The following BMPR2 variants were observed in gnomAD, a reference collection of about 807,000 sequenced individuals.
BMPR2 encodes bone morphogenetic protein receptor type-2.
In BMPR2, 29 loss-of-function variants were observed where a neutral mutation model predicts 100.8. The observed-to-expected ratio is 0.29, with a 90% CI of 0.21 to 0.39. The LOEUF is 0.39. Ranked by LOEUF, BMPR2 falls within the 10% of genes least tolerant of loss-of-function variation. The pLI, the probability that BMPR2 is intolerant of heterozygous loss-of-function variation, is 1.00. For synonymous variants in BMPR2, 382 were observed against 442.3 expected (o/e 0.86, Z 1.71); for missense variants, 1,011 against 1,274.5 (o/e 0.79, Z 3.15).
At chr2:202,422,422 T>G (rs1691284085) in intron 1 of BMPR2, among the ~76,000 whole-genome samples, 1 of 151,974 alleles carries the variant, frequency 6.6e-6, no homozygotes, top group Non-Finnish European at 1.5e-5. Flanking sequence ...TTCTCCTGCC[T>G]CAGCCTCCCG....
At chr2:202,559,303 CAA>C (rs373462571) in intron 12 of BMPR2, among the ~76,000 whole-genome samples, 11 of 139,766 alleles carry the variant, frequency 7.9e-5, no homozygotes, top group East Asian at 2.0e-4. Context: ...CTCCATCCCC[CAA>C]AAAAAAAAAA....
chr2:202,385,995 C>A (rs1399779064), intron 1 of BMPR2, among the ~76,000 whole-genome samples: 1 of 151,770 alleles, frequency 6.6e-6, no homozygotes, highest in Non-Finnish European at 1.5e-5. Flanking sequence ...TTTTTTTCAT[C>A]CTTCAAGTAC....
At chr2:202,552,565 G>A (rs1015274246) in intron 10 of BMPR2, 151 bp from the exon 11 acceptor site, 24 of 754,790 alleles carry the variant, frequency 3.2e-5, no homozygotes, top group African/African-American at 1.1e-4. Context: ...AGCATGTTCC[G>A]TAATCCTTGA....
At chr2:202,528,914 TTTG>T (rs529253260) in intron 7 of BMPR2, among the ~76,000 whole-genome samples, 391 of 152,358 alleles carry the variant, frequency 2.6e-3, no homozygotes, top group Non-Finnish European at 4.4e-3. Context: ...CAGATATAAC[TTTG>T]TTATTTGGAG....
chr2:202,434,908 A>AAAAAAAAAT (rs1559037398), intron 1 of BMPR2, among the ~76,000 whole-genome samples: 2 of 38,424 alleles, frequency 5.2e-5, no homozygotes, highest in African/African-American at 1.1e-4. Context: ...AAAAAAAAAA[A>AAAAAAAAAT]ATATATATAT....
intron 3 of BMPR2, among the ~76,000 whole-genome samples, chr2:202,500,151 T>C (rs1321661223): frequency 2.0e-5 from 3 of 152,156 alleles, no homozygotes; most frequent in Non-Finnish European, 4.4e-5. Flanking sequence ...CGGGTATGTT[T>C]AACTATTGAG....
rs1254220092 is a variant in BMPR2 at position 202,542,390 on chromosome 2, C to T, written c.1356C>T (p.Leu452=). 11 of 1,613,848 alleles carry T rather than the reference C, an allele frequency of 6.8e-6. No individual in the cohort carries two copies. Among genetic ancestry groups the T allele is most frequent in the South Asian group, 1.1e-5 (1 of 91,076 alleles). The change falls in exon 10 of 13, where the codon CTC becomes CTT. Residue 452 remains leucine, a synonymous_variant. Coordinates refer to ENST00000374580, the MANE Select transcript of BMPR2 (RefSeq NM_001204.7). ...NHPTFEDMQV[L]VSREKQRPKF... ...CCACTTTTGAGGATATGCAGGTTCT[C>T]GTGTCTAGGGAAAAACAGAGACCCA...
intron 1 of BMPR2, among the ~76,000 whole-genome samples, chr2:202,458,848 G>C (rs982916396): frequency 6.6e-6 from 1 of 152,146 alleles, no homozygotes; most frequent in Non-Finnish European, 1.5e-5. Flanking sequence ...GTTCTAAAAA[G>C]TTTTTATAGA....
chr2:202,536,926 G>T (rs1365680652), intron 9 of BMPR2, among the ~76,000 whole-genome samples: 1 of 151,748 alleles, frequency 6.6e-6, no homozygotes, highest in Non-Finnish European at 1.5e-5. Context: ...AAGAGACAGG[G>T]TCTCACTCCT....
chr2:202,468,562 C>G (rs142986815), intron 3 of BMPR2, among the ~76,000 whole-genome samples: 1 of 152,314 alleles, frequency 6.6e-6, no homozygotes, highest in African/African-American at 2.4e-5. Context: ...ACCTAGCTTT[C>G]ATATTTCTTG....
At chr2:202,392,187 C>T (rs190535601) in intron 1 of BMPR2, among the ~76,000 whole-genome samples, 1 of 152,168 alleles carries the variant, frequency 6.6e-6, no homozygotes, top group African/African-American at 2.4e-5. Context: ...TCTCCTGCCT[C>T]TGCCTCCCAA....
intron 1 of BMPR2, among the ~76,000 whole-genome samples, chr2:202,399,409 CTTG>C (rs1690716357): frequency 6.6e-6 from 1 of 152,120 alleles, no homozygotes; most frequent in African/African-American, 2.4e-5. Flanking sequence ...CGGAAAGGAG[CTTG>C]TTGTGGCTCG....
rs545368041 is a variant in BMPR2, at chr2:202,554,356, T to G, written c.1587-896T>G. ...CACCTTGATTTGGCCACTTTTCGCC[T>G]CCTGTGTCATTCGGCTCAACCTTCT... On this transcript the variant is annotated intron_variant, in intron 11 of 12. Transcript: ENST00000374580. Among the ~76,000 whole-genome samples the G allele has an allele frequency of 2.0e-5, 3 of 152,270 alleles. No individual in the cohort carries two copies. The South Asian group carries it at 6.2e-4, about 32-fold the overall frequency.
chr2:202,534,792 G>C (rs1436443850), intron 9 of BMPR2, among the ~76,000 whole-genome samples: 2 of 151,684 alleles, frequency 1.3e-5, no homozygotes, highest in Non-Finnish European at 2.9e-5. Context: ...TCCCAGACGG[G>C]GTGGTGGCCG....
At chr2:202,528,580 C>T (rs1687961267) in intron 7 of BMPR2, among the ~76,000 whole-genome samples, 1 of 152,214 alleles carries the variant, frequency 6.6e-6, no homozygotes, top group African/African-American at 2.4e-5. Context: ...TACATTTAAC[C>T]TACTGAACAT....
intron 7 of BMPR2, among the ~76,000 whole-genome samples, chr2:202,527,200 TTCCCTGGCCAAATGCAG>T (rs1687930265): frequency 6.6e-6 from 1 of 152,116 alleles, no homozygotes; most frequent in Non-Finnish European, 1.5e-5. Context: ...TTAAAAAATA[TTCCCTGGCCAAATGCAG>T]TGGCTCAAGG....
chr2:202,464,907 T>C lies in BMPR2; in HGVS notation c.175T>C (p.Leu59=). Residue 59 remains leucine (L), a synonymous_variant, in exon 2 of 13, where the codon TTA becomes CTA. Transcript: ENST00000374580. ...AATCTCTCATGAAAATGGGACAATA[T>C]TATGCTCGAAAGGTAGCACCTGCTA... The part of the protein sequence containing the change: ...SRISHENGTI[L]CSKGSTCYGL... 1 of 1,614,120 alleles carries C rather than the reference T, an allele frequency of 6.2e-7. No homozygotes were observed.
chr2:202,434,047 T>C (rs913519097), intron 1 of BMPR2, among the ~76,000 whole-genome samples: 2 of 150,644 alleles, frequency 1.3e-5, no homozygotes, highest in African/African-American at 2.5e-5. Flanking sequence ...GCAAAAACAA[T>C]AGCGAACATC....
At chr2:202,434,171 C>T (rs1691561688) in intron 1 of BMPR2, among the ~76,000 whole-genome samples, 1 of 150,546 alleles carries the variant, frequency 6.6e-6, no homozygotes, top group African/African-American at 2.5e-5. Flanking sequence ...TATAGACGAG[C>T]AGTGCTTTCA....
Sources: allele counts gnomAD v4.1 joint callset (sites outside exome capture counted in the v4.1 genomes callset), GRCh38; gene constraint gnomAD v4.1.1; transcripts MANE v1.5; gene names NCBI Gene and HGNC (gene_info 2026-07-23, HGNC 2026-07-21).